Variants in AKR1B15 observed in about 807,000 individuals in gnomAD.
The protein encoded by AKR1B15 is estradiol 17-beta-dehydrogenase AKR1B15.
Under a neutral mutation model 38.5 loss-of-function variants are expected in AKR1B15, and 49 were observed. The ratio of observed to expected loss-of-function variants is 1.27; its 90% CI spans 1.01 to 1.62. AKR1B15 has a LOEUF of 1.62. Ranked by LOEUF, AKR1B15 falls within the 40% of genes most tolerant of loss-of-function variation. AKR1B15 has a pLI of 0.00. For missense variants in AKR1B15, 411 were observed against 381.6 expected, an observed-to-expected ratio of 1.08 and a Z score of -0.64; for synonymous variants, 137 against 135.5, an observed-to-expected ratio of 1.01 and a Z score of -0.08.
chr7:134,568,055 A>C, intron 3 of AKR1B15, 103 bp from the exon 4 acceptor site: 1 of 1,401,646 alleles, frequency 7.1e-7, no homozygotes, highest in Non-Finnish European at 9.8e-7. Flanking sequence ...AGTTGGGAGG[A>C]TTGTTTGAAC....
intron 2 of AKR1B15, among the ~76,000 whole-genome samples, chr7:134,558,888 C>T (rs933015226): frequency 2.0e-5 from 3 of 152,158 alleles, no homozygotes; most frequent in Admixed American, 1.3e-4. Flanking sequence ...GCCTTGAGAC[C>T]ATGTTCTCAT....
At position 134,575,417 on chromosome 7, in the gene AKR1B15, T is replaced by A. The variant is rs752553310; in HGVS notation, c.514-3T>A. The stretch of plus-strand genomic sequence containing the variant: ...GCCCATAAGGTATTCCTTTCTATGA[T>A]AGGCCATGGAGGAGCTGGTGGACGA... On this transcript the variant is annotated splice_polypyrimidine_tract_variant and splice_region_variant and intron_variant, in intron 6 of 11. Coordinates refer to ENST00000457545, the MANE Select transcript of AKR1B15 (RefSeq NM_001080538.3). 1 of 1,613,688 alleles carries A rather than the reference T, an allele frequency of 6.2e-7. No individual in the cohort carries two copies. The highest frequency in any genetic ancestry group is 1.1e-5 in the South Asian group (1 of 91,044).
chr7:134,576,804 T>G (rs535592977), intron 9 of AKR1B15, among the ~76,000 whole-genome samples, 159 bp from the exon 10 acceptor site: 1 of 151,208 alleles, frequency 6.6e-6, no homozygotes, highest in South Asian at 2.1e-4. Flanking sequence ...GAGAAAGAGG[T>G]GGGGGTCTGG....
chr7:134,559,297 T>G (rs1337200488), intron 2 of AKR1B15, among the ~76,000 whole-genome samples: 1 of 152,150 alleles, frequency 6.6e-6, no homozygotes, highest in African/African-American at 2.4e-5. Flanking sequence ...TGTATAAGTA[T>G]GGAGTGTTAA....
chr7:134,575,104 A>C (rs905222059), intron 6 of AKR1B15, among the ~76,000 whole-genome samples: 1 of 152,224 alleles, frequency 6.6e-6, no homozygotes, highest in Non-Finnish European at 1.5e-5. Context: ...TATTTTTTTC[A>C]TGATAAAACT....
chr7:134,562,871 T>TTTCTTTCTTTCC (rs1562947054), intron 2 of AKR1B15, among the ~76,000 whole-genome samples: 3 of 128,408 alleles, frequency 2.3e-5, no homozygotes, highest in African/African-American at 9.9e-5. Context: ...TCTTTCTTTC[T>TTTCTTTCTTTCC]TTCTTTCTTT....
intron 2 of AKR1B15, among the ~76,000 whole-genome samples, chr7:134,562,267 A>T (rs538692593): frequency 2.0e-5 from 3 of 152,288 alleles, no homozygotes; most frequent in African/African-American, 7.2e-5. Context: ...CAGCAGGAAG[A>T]TTTATTTTGA....
Position 134,570,923 on chromosome 7 carries a change from C to T in AKR1B15, c.436-681C>T, listed in dbSNP as rs532374928. 9.8e-4 allele frequency among the ~76,000 whole-genome samples: 149 copies of T among 152,298 alleles called. 1 individual carries two copies. Among genetic ancestry groups the T allele is most frequent in the Non-Finnish European group, 1.7e-3 (118 of 68,024 alleles). ...TATCACCTTTGTCTAGATTCCATGC[C>T]CTGGGGTTGCCCTCCCAGGAAACCT... On this transcript the variant is annotated intron_variant, in intron 5 of 11. Transcript: ENST00000457545.
intron 1 of AKR1B15, among the ~76,000 whole-genome samples, chr7:134,549,801 A>G (rs919067295): frequency 1.3e-5 from 2 of 152,124 alleles, no homozygotes; most frequent in Non-Finnish European, 2.9e-5. Context: ...TGTCCTGTTT[A>G]GTGTCTGTCT....
Position 134,577,085 on chromosome 7 carries a change from G to A in AKR1B15, c.909+39G>A, listed in dbSNP as rs767820645. ...TGGTCGGGCCTGGTATTCCTCAGTG[G>A]AGTGGGGGACAGGCAGACCTTCTCA... On this transcript the variant is annotated intron_variant, in intron 10 of 11. Coordinates refer to ENST00000457545, the MANE Select transcript of AKR1B15 (RefSeq NM_001080538.3). 3.2e-6 allele frequency: 5 copies of A among 1,567,806 alleles called. No homozygotes were observed. In the African/African-American group the frequency reaches 6.8e-5, roughly 21 times the overall value.
Position 134,564,630 on chromosome 7 carries a change from A to G in AKR1B15, c.11A>G (p.Gln4Arg). ...GCCATCAAGCTACAGATGGTCTTAC[A>G]AATGGAACCCCAAGTGAACTCAACT... Reference protein sequence around the residue: MVLQMEPQVNSTNN... With the variant: MVLRMEPQVNSTNN... The change falls in exon 3 of 12, where the codon CAA (glutamine) becomes CGA (arginine). Residue 4 changes from glutamine to arginine, a missense_variant. Gln to Arg is a conservative substitution (Grantham distance 43). Transcript: ENST00000457545. 1 of 697,744 alleles carries G rather than the reference A, an allele frequency of 1.4e-6. No individual in the cohort carries two copies. The highest frequency in any genetic ancestry group is 2.7e-5 in the East Asian group (1 of 37,232). The allele number at this position is 697,744 out of a possible 1,614,324, so 43.2% of individuals were successfully genotyped here. A position where few individuals can be genotyped will look rare whatever the true frequency, so the allele number is the denominator to read the frequency against.
intron 2 of AKR1B15, among the ~76,000 whole-genome samples, chr7:134,561,085 T>C (rs1387877682): frequency 2.6e-5 from 4 of 152,252 alleles, no homozygotes; most frequent in Non-Finnish European, 4.4e-5. Context: ...TTTAGGTTTA[T>C]AGTCACAAAG....
Position 134,569,520 on chromosome 7 carries a change from G to A in AKR1B15, c.426G>A (p.Gln142=). ...ACGTCTATCTTATTCACTGGCCACA[G>A]GGATTCAAGGTTTGAGTGACTCCCT... is the stretch of plus-strand genomic sequence containing the variant. The part of the protein sequence containing the change: ...YLDVYLIHWP[Q]GFKTGDDFFP... The change falls in exon 5 of 12, where the codon CAG becomes CAA. Residue 142 remains glutamine (Q), a synonymous_variant. Transcript: ENST00000457545. The A allele has an allele frequency of 2.5e-6, 4 of 1,614,052 alleles. No individual in the cohort carries two copies. In the East Asian group the frequency reaches 6.7e-5, roughly 27 times the overall value.
chr7:134,551,848 A>G (rs1381985929), intron 1 of AKR1B15, among the ~76,000 whole-genome samples: 1 of 152,186 alleles, frequency 6.6e-6, no homozygotes, highest in Non-Finnish European at 1.5e-5. Flanking sequence ...AAGCCAGAGG[A>G]GAAACCAGAA....
rs548731046 is a variant in AKR1B15 at position 134,568,429 on chromosome 7, G to A, written c.318+104G>A. ...CTGTCGGCCTTTTCTACGTGTACCCGTTTTCATCTCTGCCTTGATAACATC... is the reference window on the plus strand; with the variant it reads ...CTGTCGGCCTTTTCTACGTGTACCCATTTTCATCTCTGCCTTGATAACATC... On this transcript the variant is annotated intron_variant, in intron 4 of 11. Transcript: ENST00000457545. 133 of 1,478,684 alleles carry A rather than the reference G, an allele frequency of 9.0e-5. No individual in the cohort carries two copies. The Admixed American group carries it at 1.0e-3, about 11-fold the overall frequency. The allele number at this position is 1,478,684 out of a possible 1,614,324, so 91.6% of individuals were successfully genotyped here. A position where few individuals can be genotyped will look rare whatever the true frequency, so the allele number is the denominator to read the frequency against.
chr7:134,568,377 A>G lies in AKR1B15; in HGVS notation c.318+52A>G, dbSNP rs1046605047. ...CCTTCACTTCAAGGCAGGCAGAAGT[A>G]TCTGGATCGGGTGGGCAGCAAGAAC... On this transcript the variant is annotated intron_variant, in intron 4 of 11. Coordinates refer to ENST00000457545, the MANE Select transcript of AKR1B15 (RefSeq NM_001080538.3). The G allele has an allele frequency of 2.6e-5, 41 of 1,602,866 alleles. No individual in the cohort carries two copies. The Admixed American group carries it at 3.1e-4, about 12-fold the overall frequency.
chr7:134,558,376 T>A (rs934515664), intron 2 of AKR1B15, among the ~76,000 whole-genome samples: 1 of 152,216 alleles, frequency 6.6e-6, no homozygotes, highest in Non-Finnish European at 1.5e-5. Flanking sequence ...AATCCCATTC[T>A]CACGTGCAAC....
At chr7:134,565,300 A>G in intron 3 of AKR1B15, 1 of 998,312 alleles carries the variant, frequency 1.0e-6, no homozygotes. Flanking sequence ...GAAACTCCAG[A>G]CACATCTGAA....
intron 3 of AKR1B15, chr7:134,565,030 A>G (rs1372146711): frequency 3.0e-6 from 1 of 335,752 alleles, no homozygotes; most frequent in South Asian, 5.5e-5. Context: ...AAATGCACCA[A>G]TCAGCACTCT....
Sources: gnomAD v4.1 joint callset for allele counts (sites outside exome capture counted in the v4.1 genomes callset) on GRCh38, gnomAD v4.1.1 for gene constraint, MANE v1.5 for transcripts, NCBI Gene and HGNC (gene_info 2026-07-23, HGNC 2026-07-21) for gene names.